Variants in COL28A1 observed in about 807,000 individuals in gnomAD.
The protein encoded by COL28A1 is collagen type XXVIII alpha 1 chain.
Under a neutral mutation model 150.2 loss-of-function variants are expected in COL28A1, and 161 were observed. That is an observed-to-expected ratio of 1.07 (90% CI 0.94 to 1.22). The LOEUF (loss-of-function observed/expected upper bound fraction) is 1.22. Ranked by LOEUF, COL28A1 falls within the 50% of genes most tolerant of loss-of-function variation. COL28A1 has a pLI of 0.00. For missense variants in COL28A1, 1,617 were observed against 1,388.3 expected (o/e 1.16, Z -2.62); for synonymous variants, 552 against 469.7 (o/e 1.18, Z -2.26).
At chr7:7,392,378 C>A (rs1055235151) in intron 27 of COL28A1, among the ~76,000 whole-genome samples, 5 of 152,180 alleles carry the variant, frequency 3.3e-5, no homozygotes, top group South Asian at 2.1e-4. Context: ...TGTGGGTAAC[C>A]TGACCTTTCT....
In COL28A1 at chr7:7,373,587, T is replaced by A. The variant is rs757452825; in HGVS notation, c.2360-41A>T. ...TGAGAGAGAAAAATTGTGGGAATGA[T>A]TGACATCAGATTGTTGAGGGGAGGG... is the stretch of plus-strand genomic sequence containing the variant. On this transcript the variant is annotated intron_variant, in intron 31 of 34. Coordinates refer to ENST00000399429, the MANE Select transcript of COL28A1 (RefSeq NM_001037763.3). This position sits in a 1 kb window ranked among gnomAD's most constrained non-coding sequence, Gnocchi z 4.1. 1.9e-6 allele frequency: 3 copies of A among 1,549,504 alleles called. No homozygotes were observed. In the Admixed American group the frequency reaches 5.1e-5, roughly 27 times the overall value.
chr7:7,520,172 T>G, intron 5 of COL28A1, 57 bp from the exon 6 acceptor site: 1 of 800,184 alleles, frequency 1.2e-6, no homozygotes, highest in Non-Finnish European at 2.1e-6. Flanking sequence ...TTTTCTATAC[T>G]TTATAATAAT....
rs35394135 is a variant in COL28A1 at position 7,433,637 on chromosome 7, TAA to T, written c.1861-939_1861-938del. On this transcript the variant is annotated intron_variant, in intron 23 of 34. Transcript: ENST00000399429. ...CGACAGAGCAAGGCTCTGTCTCATTTAAAAAAAAAAAAAAAAAAAGATTACCT... is the reference window on the plus strand; with the variant it reads ...CGACAGAGCAAGGCTCTGTCTCATTTAAAAAAAAAAAAAAAAAGATTACCT... Among the ~76,000 whole-genome samples the T allele has an allele frequency of 1.9e-3, 255 of 132,068 alleles. 2 individuals carry two copies. Among genetic ancestry groups the T allele is most frequent in the South Asian group, 7.4e-3 (30 of 4,070 alleles). 86.6% of individuals were successfully genotyped at this position (132,068 alleles called of 152,430 possible).
chr7:7,477,052 T>C (rs17168103), intron 14 of COL28A1, 60 bp downstream of exon 14: 70,109 of 844,048 alleles, frequency 0.083, 3,145 homozygotes, highest in African/African-American at 0.11. Flanking sequence ...ATTTTTAAAA[T>C]TTGTAATTCA....
In COL28A1 at chr7:7,484,772, T is replaced by A. The variant is rs574791653; in HGVS notation, c.1164+4617A>T. Among the ~76,000 whole-genome samples, 4 of 152,248 alleles carry A rather than the reference T, an allele frequency of 2.6e-5. No homozygotes were observed. In the South Asian group the frequency reaches 6.2e-4, roughly 24 times the overall value. Reference sequence around the variant, plus strand: ...TAGACTGGATAAAGAAAATATGGTATATATACACCATGAAATATTGCACAG... The same window carrying A: ...TAGACTGGATAAAGAAAATATGGTAAATATACACCATGAAATATTGCACAG... On this transcript the variant is annotated intron_variant, in intron 13 of 34. Transcript: ENST00000399429.
At chr7:7,412,188 G>C (rs1783827362) in intron 27 of COL28A1, among the ~76,000 whole-genome samples, 1 of 152,102 alleles carries the variant, frequency 6.6e-6, no homozygotes, top group Non-Finnish European at 1.5e-5. Context: ...ACGAGTTTAT[G>C]AAGCAGGTAT....
intron 9 of COL28A1, among the ~76,000 whole-genome samples, chr7:7,507,466 T>C (rs1381896748): frequency 6.6e-6 from 1 of 152,238 alleles, no homozygotes; most frequent in Non-Finnish European, 1.5e-5. Flanking sequence ...TAGAGGGCTA[T>C]AAACTTATTG....
chr7:7,541,004 G>A, the COL28A1 span, among the ~76,000 whole-genome samples: 2 of 152,046 alleles, frequency 1.3e-5, no homozygotes, highest in East Asian at 3.8e-4. Flanking sequence ...TGGGTTTTCT[G>A]GTCAGTGTAT....
At chr7:7,465,233 C>T (rs761501831) in intron 15 of COL28A1, among the ~76,000 whole-genome samples, 88 of 150,988 alleles carry the variant, frequency 5.8e-4, no homozygotes, top group Non-Finnish European at 1.0e-3. Flanking sequence ...CAGTGGGCGC[C>T]GGCCAGTGTG....
At chr7:7,394,390 C>T (rs1782723653) in intron 27 of COL28A1, among the ~76,000 whole-genome samples, 1 of 152,192 alleles carries the variant, frequency 6.6e-6, no homozygotes, top group African/African-American at 2.4e-5. Flanking sequence ...GCCATCTTGC[C>T]AGCCTGCAAT....
In COL28A1 at chr7:7,515,796, TTG is replaced by T. The variant is rs1291343646; in HGVS notation, c.882+16_882+17del. On this transcript the variant is annotated intron_variant, in intron 8 of 34. Transcript: ENST00000399429. ...CTTTTTGAAATTCTGGTCAATCTAT[TTG>T]TTGTTACCAACTTACCTTGTCACCC... 1 of 980,670 alleles carries T rather than the reference TTG, an allele frequency of 1.0e-6. No individual in the cohort carries two copies. Among genetic ancestry groups the T allele is most frequent in the African/African-American group, 1.6e-5 (1 of 62,872 alleles). The allele number at this position is 980,670 out of a possible 1,614,324, so 60.7% of individuals were successfully genotyped here.
chr7:7,466,169 G>A (rs900086625), intron 15 of COL28A1, among the ~76,000 whole-genome samples: 1 of 124,530 alleles, frequency 8.0e-6, no homozygotes, highest in South Asian at 2.9e-4. Flanking sequence ...GCTACGGGAG[G>A]ACATTCAAAC....
At chr7:7,372,397 CAAAA>C (rs907928905) in intron 32 of COL28A1, among the ~76,000 whole-genome samples, 1 of 87,164 alleles carries the variant, frequency 1.1e-5, no homozygotes, top group East Asian at 3.3e-4. Context: ...GACTCCGTCT[CAAAA>C]TAAATAAATA....
chr7:7,516,453 G>T (rs1323021356), intron 7 of COL28A1, among the ~76,000 whole-genome samples: 1 of 152,102 alleles, frequency 6.6e-6, no homozygotes, highest in African/African-American at 2.4e-5. Context: ...ACTGTCTTCT[G>T]TGTGTCACCC....
intron 13 of COL28A1, among the ~76,000 whole-genome samples, chr7:7,484,952 C>T (rs531346162): frequency 6.6e-6 from 1 of 152,064 alleles, no homozygotes; most frequent in Non-Finnish European, 1.5e-5. Flanking sequence ...AAGAAGGGAA[C>T]AGCAGACACT....
chr7:7,361,798 A>G (rs998222718), intron 33 of COL28A1, among the ~76,000 whole-genome samples: 10 of 151,362 alleles, frequency 6.6e-5, no homozygotes, highest in African/African-American at 2.4e-4. Flanking sequence ...CTCATCAATG[A>G]TAGACTGGAT....
intron 30 of COL28A1, among the ~76,000 whole-genome samples, chr7:7,376,083 C>G (rs1240650622): frequency 1.3e-5 from 2 of 152,114 alleles, no homozygotes; most frequent in East Asian, 1.9e-4. Flanking sequence ...CTTTTCTTGT[C>G]CTGCTGCCCA....
chr7:7,533,791 G>C (rs1782497357), intron 1 of COL28A1, among the ~76,000 whole-genome samples: 1 of 152,104 alleles, frequency 6.6e-6, no homozygotes, highest in South Asian at 2.1e-4. Context: ...TTCCCTGGGA[G>C]GAGAAGACTC....
the COL28A1 span, among the ~76,000 whole-genome samples, chr7:7,342,792 T>C: frequency 6.6e-6 from 1 of 152,122 alleles, no homozygotes; most frequent in Non-Finnish European, 1.5e-5. Context: ...ATTAATATTA[T>C]TTGGGCAATG....
Sources: gnomAD v4.1 joint callset for allele counts (sites outside exome capture counted in the v4.1 genomes callset) on GRCh38, gnomAD v4.1.1 for gene constraint, Gnocchi (gnomAD v3.1) non-coding constraint, MANE v1.5 for transcripts, NCBI Gene and HGNC (gene_info 2026-07-23, HGNC 2026-07-21) for gene names.